Variants in MAN1C1 observed in about 807,000 individuals in gnomAD.
The protein encoded by MAN1C1 is mannosyl-oligosaccharide 1,2-alpha-mannosidase IC.
Under a neutral mutation model 71.5 loss-of-function variants are expected in MAN1C1, and 49 were observed. That is an observed-to-expected ratio of 0.69 (90% CI 0.54 to 0.87). The LOEUF is 0.87. Among genes scored for constraint, MAN1C1 ranks in the 40% least tolerant of loss-of-function variants. The pLI is 0.00. For synonymous variants in MAN1C1, 352 were observed against 343.7 expected (o/e 1.02, Z -0.27); for missense variants, 743 against 835.0 (o/e 0.89, Z 1.36).
chr1:25,730,885 C>T lies in MAN1C1; in HGVS notation c.638-15783C>T, dbSNP rs896103755. Among the ~76,000 whole-genome samples, 5 of 152,228 alleles carry T rather than the reference C, an allele frequency of 3.3e-5. No individual in the cohort carries two copies. Among genetic ancestry groups the T allele is most frequent in the Non-Finnish European group, 5.9e-5 (4 of 68,042 alleles). ...TCTGCGACAGGGTTATTGCTAGTAC[C>T]TTGGACAGATGCAGACTCGCTGCTG... On this transcript the variant is annotated intron_variant, in intron 2 of 11. Transcript: ENST00000374332. The surrounding 1 kb of genome is among the most constrained non-coding windows in gnomAD (Gnocchi z 4.3).
chr1:25,748,443 C>T (rs954940031), intron 3 of MAN1C1, among the ~76,000 whole-genome samples: 6 of 152,210 alleles, frequency 3.9e-5, no homozygotes, highest in Admixed American at 2.0e-4. Context: ...AGGGTGACAA[C>T]AGGCATGTCT....
intron 2 of MAN1C1, among the ~76,000 whole-genome samples, chr1:25,700,069 A>G (rs1158044914): frequency 1.3e-5 from 2 of 152,236 alleles, no homozygotes; most frequent in Admixed American, 6.5e-5. Flanking sequence ...CTAATACTCA[A>G]GTTTGTTTTT....
chr1:25,689,589 G>C (rs2046279496), intron 2 of MAN1C1, among the ~76,000 whole-genome samples: 1 of 152,190 alleles, frequency 6.6e-6, no homozygotes, highest in African/African-American at 2.4e-5. Context: ...TCTAGTTGGG[G>C]TGAACCCATG....
chr1:25,758,048 G>C (rs952946221), intron 5 of MAN1C1, among the ~76,000 whole-genome samples: 13 of 152,254 alleles, frequency 8.5e-5, no homozygotes, highest in Middle Eastern at 3.2e-3. Flanking sequence ...TGAAATTCCA[G>C]GCCGGGGCCA....
intron 1 of MAN1C1, among the ~76,000 whole-genome samples, chr1:25,661,511 C>T (rs1009322304): frequency 1.1e-4 from 16 of 152,170 alleles, no homozygotes; most frequent in African/African-American, 3.9e-4. Context: ...TCTCCCCCAC[C>T]GAGGGTGAGT....
chr1:25,623,953 G>A (rs763858927), intron 1 of MAN1C1, among the ~76,000 whole-genome samples: 3 of 152,186 alleles, frequency 2.0e-5, no homozygotes, highest in Non-Finnish European at 4.4e-5. Context: ...AGTGTCATGA[G>A]TCAAGGATTG....
chr1:25,652,354 C>A (rs959238985), intron 1 of MAN1C1, among the ~76,000 whole-genome samples: 17 of 152,238 alleles, frequency 1.1e-4, no homozygotes, highest in Admixed American at 1.1e-3. Flanking sequence ...TTGTAAGGAT[C>A]ACTCACTGCC....
intron 4 of MAN1C1, among the ~76,000 whole-genome samples, chr1:25,750,608 G>A (rs1023152205): frequency 1.3e-5 from 2 of 152,144 alleles, no homozygotes; most frequent in Non-Finnish European, 2.9e-5. Context: ...AGCAACAGGC[G>A]GGCACCTTAT....
chr1:25,749,670 A>G (rs766719784), intron 4 of MAN1C1, among the ~76,000 whole-genome samples: 12 of 152,094 alleles, frequency 7.9e-5, no homozygotes, highest in African/African-American at 1.2e-4. Context: ...GGTGAGCCCA[A>G]CTGGCTCCCA....
intron 1 of MAN1C1, among the ~76,000 whole-genome samples, chr1:25,647,022 ACT>A (rs1451028408): frequency 2.0e-5 from 3 of 151,878 alleles, no homozygotes; most frequent in Admixed American, 1.3e-4. Context: ...ACCGCTTTAC[ACT>A]CTCAATAGCA....
chr1:25,644,519 T>TATATATATATATATATA (rs1553182595), intron 1 of MAN1C1: 1 of 58,440 alleles, frequency 1.7e-5, no homozygotes, highest in African/African-American at 1.6e-4. Flanking sequence ...TATATATATA[T>TATATATATATATATATA]TTTTTTTTTT....
chr1:25,748,514 G>A (rs2047169083), intron 3 of MAN1C1, among the ~76,000 whole-genome samples: 1 of 152,158 alleles, frequency 6.6e-6, no homozygotes, highest in African/African-American at 2.4e-5. Context: ...TGCACGGGAG[G>A]GGTTGGCAGC....
intron 4 of MAN1C1, 41 bp downstream of exon 4, chr1:25,749,376 A>G (rs2047181790): frequency 6.6e-7 from 1 of 1,510,982 alleles, no homozygotes. Flanking sequence ...TCCAGGCTGG[A>G]AAGGGCTTTG....
At chr1:25,637,835 T>G (rs1045301591) in intron 1 of MAN1C1, among the ~76,000 whole-genome samples, 1 of 152,130 alleles carries the variant, frequency 6.6e-6, no homozygotes, top group African/African-American at 2.4e-5. Context: ...TGCAGTATAT[T>G]TTACCTGATT....
intron 9 of MAN1C1, among the ~76,000 whole-genome samples, chr1:25,780,470 A>G (rs1374081500): frequency 3.3e-5 from 5 of 152,176 alleles, no homozygotes; most frequent in Admixed American, 2.6e-4. Flanking sequence ...AAGGGTCCCA[A>G]GGAGAAGCCT....
At chr1:25,662,509 T>C (rs1205490217) in intron 1 of MAN1C1, among the ~76,000 whole-genome samples, 1 of 152,202 alleles carries the variant, frequency 6.6e-6, no homozygotes, top group Non-Finnish European at 1.5e-5. Context: ...GACTCCTTGC[T>C]AACCTGATAA....
At chr1:25,781,209 G>C in intron 10 of MAN1C1, 97 bp downstream of exon 10, 3 of 1,325,410 alleles carry the variant, frequency 2.3e-6, no homozygotes, top group Non-Finnish European at 3.2e-6. Flanking sequence ...GGAGTGGAAG[G>C]CCAAGCCACG....
intron 1 of MAN1C1, among the ~76,000 whole-genome samples, chr1:25,655,275 C>T (rs2045748685): frequency 6.6e-6 from 1 of 152,164 alleles, no homozygotes; most frequent in African/African-American, 2.4e-5. Context: ...TTGCTGCAGC[C>T]TCTCACTCAG....
intron 6 of MAN1C1, 24 bp from the exon 7 acceptor site, chr1:25,763,850 C>T (rs1346174896): frequency 5.0e-6 from 8 of 1,603,776 alleles, no homozygotes; most frequent in Non-Finnish European, 6.8e-6. Flanking sequence ...CATGAAGGCT[C>T]ACCTGGTGTC....
Sources: allele counts gnomAD v4.1 joint callset (sites outside exome capture counted in the v4.1 genomes callset), GRCh38; gene constraint gnomAD v4.1.1; non-coding constraint Gnocchi (gnomAD v3.1); transcripts MANE v1.5; gene names NCBI Gene and HGNC (gene_info 2026-07-23, HGNC 2026-07-21).